GAREM1: variants seen among roughly 807,000 people sequenced by gnomAD.
GAREM1 encodes GRB2-associated and regulator of MAPK protein 1.
Under a neutral mutation model 71.3 loss-of-function variants are expected in GAREM1, and 26 were observed. The ratio of observed to expected loss-of-function variants is 0.36; its 90% CI spans 0.27 to 0.51. GAREM1 has a LOEUF of 0.51. Ranked by LOEUF, GAREM1 falls within the 20% of genes least tolerant of loss-of-function variation. GAREM1 has a pLI of 0.95. For missense variants in GAREM1, 1,026 were observed against 1,103.1 expected, an observed-to-expected ratio of 0.93 and a Z score of 0.99; for synonymous variants, 440 against 433.2, an observed-to-expected ratio of 1.02 and a Z score of -0.20.
intron 1 of GAREM1, among the ~76,000 whole-genome samples, chr18:32,408,622 T>C (rs1415009916): frequency 6.6e-6 from 1 of 152,164 alleles, no homozygotes; most frequent in African/African-American, 2.4e-5. Flanking sequence ...TCTGTATCCA[T>C]TTGACCATTG....
At chr18:32,469,647 G>C (rs75154329) in intron 1 of GAREM1, among the ~76,000 whole-genome samples, 18,534 of 152,174 alleles carry the variant, frequency 0.12, 1,205 homozygotes, top group South Asian at 0.19. Context: ...TCTGAGCTCA[G>C]GTTCCGAATC....
intron 1 of GAREM1, among the ~76,000 whole-genome samples, chr18:32,434,968 T>C (rs1332638233): frequency 6.6e-6 from 1 of 152,184 alleles, no homozygotes; most frequent in Non-Finnish European, 1.5e-5. Flanking sequence ...TGAGCTATAT[T>C]GACATCACGT....
chr18:32,302,017 T>C (rs966324009), intron 3 of GAREM1, among the ~76,000 whole-genome samples: 10 of 152,242 alleles, frequency 6.6e-5, no homozygotes, highest in Non-Finnish European at 1.3e-4. Flanking sequence ...GCCATAATGA[T>C]TGAACATGTT....
intron 1 of GAREM1, among the ~76,000 whole-genome samples, chr18:32,394,306 A>G (rs538540348): frequency 6.6e-6 from 1 of 152,218 alleles, no homozygotes; most frequent in South Asian, 2.1e-4. Flanking sequence ...GGAGGCTGAG[A>G]TAGGAGGATC....
chr18:32,274,759 A>G (rs2041514910), intron 4 of GAREM1, among the ~76,000 whole-genome samples: 1 of 152,152 alleles, frequency 6.6e-6, no homozygotes, highest in South Asian at 2.1e-4. Context: ...CCTGTGGGCC[A>G]GCCCCACACA....
At chr18:32,274,910 A>G (rs909798824) in intron 4 of GAREM1, among the ~76,000 whole-genome samples, 1 of 151,784 alleles carries the variant, frequency 6.6e-6, no homozygotes, top group Non-Finnish European at 1.5e-5. Context: ...TGGCATGAAC[A>G]TGTCACACAG....
intron 3 of GAREM1, among the ~76,000 whole-genome samples, chr18:32,298,742 A>G (rs891894110): frequency 1.3e-5 from 2 of 151,398 alleles, no homozygotes; most frequent in Admixed American, 6.6e-5. Flanking sequence ...TCAAACATGT[A>G]AGAGGTTAAA....
intron 2 of GAREM1, among the ~76,000 whole-genome samples, chr18:32,375,198 G>T (rs1057093174): frequency 6.6e-6 from 1 of 151,998 alleles, no homozygotes; most frequent in African/African-American, 2.4e-5. Context: ...AAACATTTTA[G>T]GAACTGAGTT....
Position 32,470,206 on chromosome 18 carries a change from A to G in GAREM1, c.121+102T>C. 2.4e-5 allele frequency: 30 copies of G among 1,269,938 alleles called. No homozygotes were observed. The highest frequency in any genetic ancestry group is 3.0e-5 in the Non-Finnish European group (30 of 1,000,342). 78.7% of individuals were successfully genotyped at this position (1,269,938 alleles called of 1,614,324 possible). On this transcript the variant is annotated intron_variant, in intron 1 of 5. Coordinates refer to ENST00000269209, the MANE Select transcript of GAREM1 (RefSeq NM_001242409.2). This position sits in a 1 kb window ranked among gnomAD's most constrained non-coding sequence, Gnocchi z 4.4. Reference sequence around the variant, plus strand: ...CCAACTCCGGCGCTCAGGGGCGGGCAGCCCACTCCCCGCGGGTCCCACCCT... The same window carrying G: ...CCAACTCCGGCGCTCAGGGGCGGGCGGCCCACTCCCCGCGGGTCCCACCCT...
chr18:32,323,262 T>TG (rs2047446771), intron 2 of GAREM1, among the ~76,000 whole-genome samples: 1 of 152,186 alleles, frequency 6.6e-6, no homozygotes, highest in Non-Finnish European at 1.5e-5. Flanking sequence ...ACATCACTGA[T>TG]CTAGCTGATG....
chr18:32,465,924 G>T (rs1348718481), intron 1 of GAREM1, among the ~76,000 whole-genome samples: 1 of 152,182 alleles, frequency 6.6e-6, no homozygotes, highest in Admixed American at 6.5e-5. Context: ...TAATGCACTT[G>T]TATTACCTTC....
intron 1 of GAREM1, among the ~76,000 whole-genome samples, chr18:32,448,132 T>C (rs2048801369): frequency 1.3e-5 from 2 of 152,198 alleles, no homozygotes; most frequent in African/African-American, 4.8e-5. Context: ...ACACCTATCA[T>C]TTATCAAAGT....
chr18:32,434,145 T>C (rs1331986377), intron 1 of GAREM1, among the ~76,000 whole-genome samples: 1 of 152,136 alleles, frequency 6.6e-6, no homozygotes, highest in Non-Finnish European at 1.5e-5. Context: ...TTTTTGATAA[T>C]GAAAGCCAGT....
intron 2 of GAREM1, among the ~76,000 whole-genome samples, chr18:32,314,507 C>A (rs1260328549): frequency 6.6e-6 from 1 of 152,088 alleles, no homozygotes; most frequent in African/African-American, 2.4e-5. Flanking sequence ...GTATTCAGCA[C>A]AAGTGACCAT....
chr18:32,342,669 C>T (rs113778535), intron 2 of GAREM1, among the ~76,000 whole-genome samples: 116 of 152,286 alleles, frequency 7.6e-4, no homozygotes, highest in African/African-American at 2.5e-3. Flanking sequence ...ACAGAAGCTT[C>T]TTGAGGACAC....
chr18:32,377,860 G>A (rs1015337521), intron 2 of GAREM1, among the ~76,000 whole-genome samples: 1 of 152,156 alleles, frequency 6.6e-6, no homozygotes, highest in Non-Finnish European at 1.5e-5. Context: ...ACCGGGCCTG[G>A]CCAGAAGATT....
intron 2 of GAREM1, among the ~76,000 whole-genome samples, chr18:32,322,705 T>C (rs1443091625): frequency 1.3e-5 from 2 of 152,210 alleles, no homozygotes; most frequent in African/African-American, 2.4e-5. Context: ...GCCTAATAAA[T>C]GATGGCTGAA....
intron 3 of GAREM1, among the ~76,000 whole-genome samples, chr18:32,292,691 T>G (rs1302489539): frequency 6.6e-6 from 1 of 152,152 alleles, no homozygotes; most frequent in East Asian, 1.9e-4. Flanking sequence ...TGTGAAGAGG[T>G]GCCTTTCTCC....
intron 5 of GAREM1, among the ~76,000 whole-genome samples, chr18:32,269,698 G>A (rs1390656979): frequency 6.6e-6 from 1 of 152,074 alleles, no homozygotes; most frequent in Non-Finnish European, 1.5e-5. Flanking sequence ...TGCCAACAAT[G>A]GAATGAGCTG....
Sources: allele counts gnomAD v4.1 joint callset (sites outside exome capture counted in the v4.1 genomes callset), GRCh38; gene constraint gnomAD v4.1.1; non-coding constraint Gnocchi (gnomAD v3.1); transcripts MANE v1.5; gene names NCBI Gene and HGNC (gene_info 2026-07-23, HGNC 2026-07-21).